The following AKR1C8 variants were observed in gnomAD, a reference collection of about 807,000 sequenced individuals.
The protein encoded by AKR1C8 is aldo-keto reductase family 1 member C8.
chr10:5,140,239 C>T, the AKR1C8 span, among the ~76,000 whole-genome samples: 19 of 152,188 alleles, frequency 1.2e-4, no homozygotes, highest in East Asian at 2.7e-3. Flanking sequence ...GACAGTGTGG[C>T]GATTTCTCAA....
chr10:5,140,589 C>A, the AKR1C8 span, among the ~76,000 whole-genome samples: 1 of 148,386 alleles, frequency 6.7e-6, no homozygotes, highest in Non-Finnish European at 1.5e-5. Flanking sequence ...TAGGTGGGAA[C>A]TGAACAATGA....
chr10:5,157,558 C>T, the AKR1C8 span: 5 of 400,116 alleles, frequency 1.2e-5, no homozygotes, highest in East Asian at 7.4e-5. Flanking sequence ...TGACACGTGT[C>T]GCATTCTCCC....
At chr10:5,160,153 C>G in the AKR1C8 span, 1 of 265,514 alleles carries the variant, frequency 3.8e-6, no homozygotes, top group Non-Finnish European at 8.2e-6. Context: ...ATACAATTTC[C>G]TAATGCATTA....
chr10:5,124,905 A>T, the AKR1C8 span, among the ~76,000 whole-genome samples: 2 of 152,144 alleles, frequency 1.3e-5, no homozygotes, highest in Non-Finnish European at 2.9e-5. Context: ...AGGTAGAGAC[A>T]GTTTATCTCC....
At chr10:5,163,210 A>G in the AKR1C8 span, among the ~76,000 whole-genome samples, 1 of 152,196 alleles carries the variant, frequency 6.6e-6, no homozygotes, top group Non-Finnish European at 1.5e-5. Flanking sequence ...TCCCAAATGA[A>G]TTAGAGAAAT....
chr10:5,154,885 C>T, the AKR1C8 span: 2 of 152,170 alleles, frequency 1.3e-5, no homozygotes, highest in Admixed American at 6.5e-5. Context: ...GTTGGGCTCT[C>T]CAGAGGTGGA....
the AKR1C8 span, among the ~76,000 whole-genome samples, chr10:5,120,874 G>A: frequency 1.1e-4 from 16 of 152,158 alleles, no homozygotes; most frequent in East Asian, 3.1e-3. Flanking sequence ...CCAGTTTGGA[G>A]TGTAGAAGTG....
At chr10:5,146,431 C>G in the AKR1C8 span, among the ~76,000 whole-genome samples, 225 of 152,092 alleles carry the variant, frequency 1.5e-3, 1 homozygote, top group African/African-American at 5.3e-3. Context: ...AAAAAATTAG[C>G]TCAGGTATTT....
chr10:5,179,048 T>C, the AKR1C8 span, among the ~76,000 whole-genome samples: 7,629 of 152,022 alleles, frequency 0.05, 640 homozygotes, highest in African/African-American at 0.17. Context: ...TTTTGCTCGT[T>C]AGTTGATGCA....
At chr10:5,125,052 TTG>T in the AKR1C8 span, among the ~76,000 whole-genome samples, 300 of 152,172 alleles carry the variant, frequency 2.0e-3, no homozygotes, top group Non-Finnish European at 3.2e-3. Flanking sequence ...GGATTTTTTT[TTG>T]TTTTCACGAT....
the AKR1C8 span, among the ~76,000 whole-genome samples, chr10:5,180,914 G>C: frequency 1.2e-4 from 19 of 152,200 alleles, no homozygotes; most frequent in African/African-American, 4.3e-4. Context: ...CTAGGAAAGG[G>C]AACTCCCTGA....
At chr10:5,167,404 A>G in the AKR1C8 span, among the ~76,000 whole-genome samples, 7 of 152,340 alleles carry the variant, frequency 4.6e-5, no homozygotes, top group South Asian at 1.4e-3. Context: ...ACAATGATAG[A>G]CTGGATTAAG....
chr10:5,157,644 C>A, the AKR1C8 span: 1 of 471,892 alleles, frequency 2.1e-6, no homozygotes, highest in South Asian at 1.5e-5. Context: ...CCTGGAAGTT[C>A]TCTTTGATTC....
chr10:5,164,257 C>A, the AKR1C8 span, among the ~76,000 whole-genome samples: 2 of 152,176 alleles, frequency 1.3e-5, no homozygotes, highest in Non-Finnish European at 2.9e-5. Flanking sequence ...TCAACACATT[C>A]TTTCCTTTCC....
At chr10:5,155,704 G>A in the AKR1C8 span, 6 of 475,164 alleles carry the variant, frequency 1.3e-5, no homozygotes, top group African/African-American at 4.0e-5. Flanking sequence ...GGAGATTTCT[G>A]TTGAGGCCAT....
At chr10:5,144,440 A>G in the AKR1C8 span, among the ~76,000 whole-genome samples, 2 of 152,050 alleles carry the variant, frequency 1.3e-5, no homozygotes. Context: ...TGGGGATGGC[A>G]TTGAATCTGT....
the AKR1C8 span, among the ~76,000 whole-genome samples, chr10:5,120,198 C>T: frequency 1.3e-5 from 2 of 152,174 alleles, no homozygotes; most frequent in African/African-American, 4.8e-5. Flanking sequence ...GAGCCCATCC[C>T]TTTGTTTCCC....
the AKR1C8 span, among the ~76,000 whole-genome samples, chr10:5,184,849 G>C: frequency 4.2e-4 from 64 of 152,270 alleles, no homozygotes; most frequent in African/African-American, 1.5e-3. Flanking sequence ...AAGCAAAAAA[G>C]ATCTCTGTGA....
At chr10:5,184,191 C>A in the AKR1C8 span, among the ~76,000 whole-genome samples, 17 of 152,312 alleles carry the variant, frequency 1.1e-4, no homozygotes, top group Non-Finnish European at 2.5e-4. Context: ...TCAACAAATT[C>A]TTTTCTTTCC....
Sources: gnomAD v4.1 joint callset for allele counts (sites outside exome capture counted in the v4.1 genomes callset) on GRCh38, gnomAD v4.1.1 for gene constraint, MANE v1.5 for transcripts, NCBI Gene and HGNC (gene_info 2026-07-23, HGNC 2026-07-21) for gene names.